Variants in TBXAS1 observed in about 807,000 individuals in gnomAD.
TBXAS1 encodes thromboxane A synthase 1.
A neutral mutation model predicts 60.7 loss-of-function variants in TBXAS1; 48 were observed. That is an observed-to-expected ratio of 0.79 (90% CI 0.63 to 1.01). The LOEUF is 1.01. Ranked by LOEUF, TBXAS1 falls within the 50% of genes least tolerant of loss-of-function variation. TBXAS1 has a pLI of 0.00. For missense variants in TBXAS1, 685 were observed against 686.3 expected (o/e 1.00, Z 0.02); for synonymous variants, 287 against 269.7 (o/e 1.06, Z -0.63).
At chr7:139,966,173 T>C (rs2117407955) in intron 9 of TBXAS1, among the ~76,000 whole-genome samples, 1 of 152,330 alleles carries the variant, frequency 6.6e-6, no homozygotes, top group East Asian at 1.9e-4. Context: ...CCTCATTAGA[T>C]GGCCTTCCCT....
At chr7:140,019,033 C>T (rs116624235) in intron 12 of TBXAS1, among the ~76,000 whole-genome samples, 225 of 152,324 alleles carry the variant, frequency 1.5e-3, no homozygotes, top group African/African-American at 5.2e-3. Flanking sequence ...TGTCCTGCCA[C>T]CCGGAACCCA....
rs550057852 is a variant in TBXAS1 at position 139,886,522 on chromosome 7, A to G, written c.236+10885A>G. On this transcript the variant is annotated intron_variant, in intron 3 of 12. Transcript: ENST00000448866. ...GGCAATTGTGGTCTTTTTTGTTAAA[A>G]CACCCCCCAGCACCTCTTGATACTA... Among the ~76,000 whole-genome samples the G allele has an allele frequency of 1.9e-4, 29 of 151,494 alleles. No individual in the cohort carries two copies. The South Asian group carries it at 5.2e-3, about 27-fold the overall frequency.
intron 10 of TBXAS1, among the ~76,000 whole-genome samples, chr7:140,014,575 CTG>C (rs1491281497): frequency 1.3e-5 from 2 of 151,610 alleles, no homozygotes; most frequent in African/African-American, 2.4e-5. Flanking sequence ...GTGTGTGTGT[CTG>C]AGAGAGAGAG....
intron 1 of TBXAS1, among the ~76,000 whole-genome samples, chr7:139,851,044 G>A (rs9801544): frequency 0.26 from 40,153 of 152,152 alleles, 6,740 homozygotes; most frequent in African/African-American, 0.44. Flanking sequence ...CCTTGCTCCC[G>A]TTGGTCTTAC....
intron 4 of TBXAS1, among the ~76,000 whole-genome samples, chr7:139,799,590 A>G (rs893843560): frequency 6.6e-6 from 1 of 152,134 alleles, no homozygotes; most frequent in Non-Finnish European, 1.5e-5. Context: ...TTCTGAGCTC[A>G]AAAGATACAC....
chr7:139,964,839 C>G (rs1810656775), intron 9 of TBXAS1, among the ~76,000 whole-genome samples: 1 of 152,294 alleles, frequency 6.6e-6, no homozygotes, highest in East Asian at 1.9e-4. Context: ...ATTTAGAGAG[C>G]CATGGGGCGA....
At chr7:140,000,041 T>G (rs765211315) in intron 9 of TBXAS1, among the ~76,000 whole-genome samples, 2 of 152,178 alleles carry the variant, frequency 1.3e-5, no homozygotes, top group African/African-American at 2.4e-5. Flanking sequence ...TGACTGTGTG[T>G]GTGTGTCTAG....
At chr7:139,911,377 C>T (rs1288260809) in intron 4 of TBXAS1, 56 bp downstream of exon 4, 6 of 1,450,008 alleles carry the variant, frequency 4.1e-6, no homozygotes, top group Non-Finnish European at 5.8e-6. Flanking sequence ...CAGATGGAGA[C>T]ACTGCATGTC....
intron 7 of TBXAS1, 87 bp from the exon 8 acceptor site, chr7:139,957,547 C>G: frequency 1.3e-6 from 2 of 1,591,508 alleles, no homozygotes; most frequent in Admixed American, 1.7e-5. Flanking sequence ...ATTCCAGGCC[C>G]GCGTTTGCTT....
chr7:139,779,450 AG>A (rs1265658251), intron 1 of TBXAS1, among the ~76,000 whole-genome samples: 1 of 152,226 alleles, frequency 6.6e-6, no homozygotes, highest in Non-Finnish European at 1.5e-5. Flanking sequence ...TGTTGCTAAA[AG>A]GACCTCAGAG....
intron 9 of TBXAS1, among the ~76,000 whole-genome samples, chr7:139,982,693 C>T (rs1812054039): frequency 6.6e-6 from 1 of 152,162 alleles, no homozygotes; most frequent in South Asian, 2.1e-4. Context: ...CACTCTTAAC[C>T]CCCTAAATTG....
intron 9 of TBXAS1, among the ~76,000 whole-genome samples, chr7:139,972,873 AG>A (rs750537441): frequency 2.0e-5 from 3 of 152,198 alleles, no homozygotes; most frequent in Non-Finnish European, 4.4e-5. Context: ...CGTGAGAAAT[AG>A]GTGTTGAGAA....
At chr7:139,797,703 G>C (rs1177890646) in intron 4 of TBXAS1, among the ~76,000 whole-genome samples, 1 of 152,140 alleles carries the variant, frequency 6.6e-6, no homozygotes, top group Non-Finnish European at 1.5e-5. Flanking sequence ...TGGAGGAAAA[G>C]GTAGACGAAT....
chr7:139,913,304 T>C, intron 4 of TBXAS1: 1 of 598,894 alleles, frequency 1.7e-6, no homozygotes, highest in Non-Finnish European at 3.1e-6. Context: ...AATGCAGCTG[T>C]AGCTTGTTGC....
chr7:139,993,613 A>T (rs1445194777), intron 9 of TBXAS1, among the ~76,000 whole-genome samples: 1 of 152,170 alleles, frequency 6.6e-6, no homozygotes, highest in Non-Finnish European at 1.5e-5. Context: ...ACAATTTCTT[A>T]TCAATTGAAC....
chr7:139,918,113 C>A (rs1806146704), intron 4 of TBXAS1, among the ~76,000 whole-genome samples: 1 of 152,140 alleles, frequency 6.6e-6, no homozygotes, highest in South Asian at 2.1e-4. Flanking sequence ...TTCTTCTTCC[C>A]ATTTTCCCTC....
chr7:139,895,152 G>A (rs1803989010), intron 3 of TBXAS1, among the ~76,000 whole-genome samples: 1 of 152,120 alleles, frequency 6.6e-6, no homozygotes, highest in African/African-American at 2.4e-5. Flanking sequence ...ATGAATAAGG[G>A]GGAGGTGAGG....
intron 1 of TBXAS1, among the ~76,000 whole-genome samples, chr7:139,837,171 G>A (rs900391418): frequency 6.6e-6 from 1 of 152,220 alleles, no homozygotes; most frequent in African/African-American, 2.4e-5. Context: ...ATGTTGGCGA[G>A]GATGTGGTGA....
intron 5 of TBXAS1, among the ~76,000 whole-genome samples, chr7:139,946,898 T>C (rs536080786): frequency 8.5e-4 from 130 of 152,272 alleles, no homozygotes; most frequent in African/African-American, 3.0e-3. Flanking sequence ...CCTTTGAGTA[T>C]TTGCTATGCT....
Sources: gnomAD v4.1 joint callset for allele counts (sites outside exome capture counted in the v4.1 genomes callset) on GRCh38, gnomAD v4.1.1 for gene constraint, MANE v1.5 for transcripts, NCBI Gene and HGNC (gene_info 2026-07-23, HGNC 2026-07-21) for gene names.